Variants in MICU1 observed in about 807,000 individuals in gnomAD.
The protein encoded by MICU1 is calcium uptake protein 1, mitochondrial.
A neutral mutation model predicts 56.8 loss-of-function variants in MICU1; 45 were observed. The ratio of observed to expected loss-of-function variants is 0.79; its 90% CI spans 0.62 to 1.02. The LOEUF (loss-of-function observed/expected upper bound fraction) is 1.02. Among genes scored for constraint, MICU1 ranks in the 50% least tolerant of loss-of-function variants. The pLI, the probability that MICU1 is intolerant of heterozygous loss-of-function variation, is 0.00. For missense variants in MICU1, 504 were observed against 587.1 expected, an observed-to-expected ratio of 0.86 and a Z score of 1.46; for synonymous variants, 186 against 195.1, an observed-to-expected ratio of 0.95 and a Z score of 0.39.
chr10:72,583,760 T>C (rs1367955409), intron 1 of MICU1, among the ~76,000 whole-genome samples: 1 of 152,248 alleles, frequency 6.6e-6, no homozygotes, highest in Non-Finnish European at 1.5e-5. Context: ...AACATCTCTA[T>C]AGCTTTTTTA....
chr10:72,381,729 T>A (rs928955077), intron 10 of MICU1, among the ~76,000 whole-genome samples: 12 of 152,262 alleles, frequency 7.9e-5, no homozygotes, highest in Non-Finnish European at 2.9e-5. Flanking sequence ...GAGCGCATCA[T>A]CCCAGATGAT....
intron 6 of MICU1, chr10:72,477,504 A>T: frequency 6.5e-7 from 1 of 1,535,696 alleles, no homozygotes; most frequent in Non-Finnish European, 8.7e-7. Flanking sequence ...TTTTTGTTTC[A>T]ACATGCTTTG....
intron 9 of MICU1, among the ~76,000 whole-genome samples, chr10:72,421,233 T>C (rs1864161157): frequency 6.6e-6 from 1 of 151,648 alleles, no homozygotes; most frequent in Admixed American, 6.6e-5. Context: ...TTCAGTCCTA[T>C]CATCTTTTCT....
intron 6 of MICU1, among the ~76,000 whole-genome samples, chr10:72,477,980 T>C (rs2132274416): frequency 6.6e-6 from 1 of 152,172 alleles, no homozygotes; most frequent in South Asian, 2.1e-4. Flanking sequence ...GTGATGCTCA[T>C]GCCTCAGCCA....
chr10:72,373,698 A>G (rs1355104877), intron 11 of MICU1, among the ~76,000 whole-genome samples: 1 of 152,212 alleles, frequency 6.6e-6, no homozygotes, highest in Non-Finnish European at 1.5e-5. Context: ...TTGAGAAGCT[A>G]GTTGCATTTA....
At position 72,408,012 on chromosome 10, in the gene MICU1, T is replaced by C. The variant is rs1010733845; in HGVS notation, c.1097A>G (p.Asn366Ser). The C allele has an allele frequency of 1.2e-6, 2 of 1,613,552 alleles. No homozygotes were observed. Among genetic ancestry groups the C allele is most frequent in the Non-Finnish European group, 1.7e-6 (2 of 1,179,586 alleles). Residue 366 changes from asparagine to serine, a missense_variant, in exon 10 of 12, where the codon AAC (asparagine) becomes AGC (serine). Transcript: ENST00000361114. ...GKGLTFQEVE[N>S]FFTFLKNIND... The stretch of plus-strand genomic sequence containing the variant: ...AATGTTCTTTAGGAAAGTAAAGAAG[T>C]TCTCCACCTCCTGAAATGTCAGACC...
intron 11 of MICU1, among the ~76,000 whole-genome samples, chr10:72,370,755 GCA>G (rs1393749219): frequency 3.3e-5 from 5 of 152,198 alleles, no homozygotes; most frequent in Non-Finnish European, 2.9e-5. Context: ...TTTAGGCTGG[GCA>G]CAGTGAGTCA....
intron 10 of MICU1, among the ~76,000 whole-genome samples, chr10:72,376,102 C>A (rs2132037645): frequency 6.6e-6 from 1 of 152,038 alleles, no homozygotes. Flanking sequence ...ACCAGCCTGG[C>A]CAAGATGGTG....
At chr10:72,423,675 C>T (rs553465511) in intron 8 of MICU1, among the ~76,000 whole-genome samples, 1 of 152,212 alleles carries the variant, frequency 6.6e-6, no homozygotes, top group Non-Finnish European at 1.5e-5. Context: ...TATTCCTAGC[C>T]TCTAGATGTT....
At chr10:72,506,652 C>T (rs1162681780) in intron 6 of MICU1, among the ~76,000 whole-genome samples, 2 of 152,092 alleles carry the variant, frequency 1.3e-5, no homozygotes, top group African/African-American at 4.8e-5. Flanking sequence ...CTATTAATAG[C>T]TACTTTATAT....
intron 9 of MICU1, among the ~76,000 whole-genome samples, chr10:72,417,182 G>A (rs1333294930): frequency 6.6e-6 from 1 of 152,176 alleles, no homozygotes; most frequent in Admixed American, 6.5e-5. Context: ...GCTGGGTGTG[G>A]TGGCTCACGC....
chr10:72,448,777 C>T (rs1865202469), intron 8 of MICU1, among the ~76,000 whole-genome samples: 1 of 152,000 alleles, frequency 6.6e-6, no homozygotes, highest in African/African-American at 2.4e-5. Context: ...AAAATATTTT[C>T]CCCCTTAAGA....
intron 11 of MICU1, among the ~76,000 whole-genome samples, chr10:72,370,124 AC>A: frequency 6.6e-6 from 1 of 152,038 alleles, no homozygotes; most frequent in South Asian, 2.1e-4. Context: ...TGATCCGCCC[AC>A]CTTGGCCTCC....
At chr10:72,457,172 T>C (rs1174328099) in intron 8 of MICU1, among the ~76,000 whole-genome samples, 1 of 151,506 alleles carries the variant, frequency 6.6e-6, no homozygotes, top group African/African-American at 2.4e-5. Flanking sequence ...GTTGTAGAGC[T>C]CTAATTTTAG....
Position 72,375,763 on chromosome 10 carries a change from C to A in MICU1, c.1270+20G>T. 1 of 1,606,686 alleles carries A rather than the reference C, an allele frequency of 6.2e-7. No homozygotes were observed. The highest frequency in any genetic ancestry group is 8.5e-7 in the Non-Finnish European group (1 of 1,176,718). ...GCAGCTAGGCTGTTTCCCCTCCGGGCTCCAGAGGGCCCCACTCACCATCAC... is the reference window on the plus strand; with the variant it reads ...GCAGCTAGGCTGTTTCCCCTCCGGGATCCAGAGGGCCCCACTCACCATCAC... On this transcript the variant is annotated intron_variant, in intron 11 of 11. Coordinates refer to ENST00000361114, the MANE Select transcript of MICU1 (RefSeq NM_001195518.2).
At chr10:72,412,621 C>T (rs530470029) in intron 9 of MICU1, among the ~76,000 whole-genome samples, 9 of 152,078 alleles carry the variant, frequency 5.9e-5, no homozygotes, top group East Asian at 1.9e-4. Flanking sequence ...GAGGTCGAGG[C>T]GGCTCGATCA....
At chr10:72,574,637 G>T (rs1159843627) in intron 1 of MICU1, among the ~76,000 whole-genome samples, 3 of 152,030 alleles carry the variant, frequency 2.0e-5, no homozygotes, top group African/African-American at 7.2e-5. Context: ...GAGTATGTCA[G>T]TCTAAAAAAA....
intron 5 of MICU1, among the ~76,000 whole-genome samples, chr10:72,515,149 G>A (rs779494414): frequency 4.6e-5 from 7 of 152,160 alleles, no homozygotes; most frequent in Non-Finnish European, 8.8e-5. Context: ...AACATGGGCC[G>A]CCATCCTTAC....
At chr10:72,426,544 T>A (rs2132145520) in intron 8 of MICU1, among the ~76,000 whole-genome samples, 1 of 152,040 alleles carries the variant, frequency 6.6e-6, no homozygotes, top group African/African-American at 2.4e-5. Flanking sequence ...ACTATAGGCA[T>A]GCACCACCAT....
Sources: allele counts gnomAD v4.1 joint callset (sites outside exome capture counted in the v4.1 genomes callset), GRCh38; gene constraint gnomAD v4.1.1; transcripts MANE v1.5; gene names NCBI Gene and HGNC (gene_info 2026-07-23, HGNC 2026-07-21).